The following ZKSCAN7 variants were observed in gnomAD, a reference collection of about 807,000 sequenced individuals.
ZKSCAN7 encodes zinc finger with KRAB and SCAN domains 7.
ZKSCAN7 carries 38 observed loss-of-function variants against 65.3 expected under a neutral mutation model. That is an observed-to-expected ratio of 0.58 (90% confidence interval 0.45 to 0.76). The LOEUF (loss-of-function observed/expected upper bound fraction) is 0.76, where lower values mean the gene tolerates loss of function less well. ZKSCAN7 is among the 30% of genes least tolerant of loss of function. The probability of loss-of-function intolerance (pLI) is 0.00; values close to 1 mark genes in which losing one functional copy is unlikely to be tolerated. For synonymous variants in ZKSCAN7, 321 were observed against 321.0 expected, an observed-to-expected ratio of 1.00 and a Z score of 0.00; for missense variants, 815 against 913.3, an observed-to-expected ratio of 0.89 and a Z score of 1.39.
At chr3:44,580,689 G>C in intron 5 of ZKSCAN7, 4 of 1,613,868 alleles carry the variant, frequency 2.5e-6, no homozygotes, top group South Asian at 1.1e-5. Flanking sequence ...CCTCTGGCCC[G>C]TGCGGCCCTC....
chr3:44,566,532 G>A (rs1215430752), intron 3 of ZKSCAN7, among the ~76,000 whole-genome samples: 1 of 152,104 alleles, frequency 6.6e-6, no homozygotes, highest in Non-Finnish European at 1.5e-5. Context: ...GAAAGGGGAG[G>A]CAGGGGAATT....
chr3:44,557,780 G>T (rs7627501), intron 2 of ZKSCAN7, among the ~76,000 whole-genome samples: 2 of 152,122 alleles, frequency 1.3e-5, no homozygotes, highest in South Asian at 2.1e-4. Context: ...GGGGGAAGGC[G>T]GGCCTTTGGG....
chr3:44,582,907 CGTGTGTGTGTGT>C (rs4016043), intron 5 of ZKSCAN7: 119,575 of 352,702 alleles, frequency 0.34, 14,818 homozygotes, highest in East Asian at 0.69. Context: ...CATGAATATT[CGTGTGTGTGTGT>C]GTGTGTGTGT....
At position 44,559,325 on chromosome 3, in the gene ZKSCAN7, C is replaced by A. The variant is rs183768839; in HGVS notation, c.423+1855C>A. On this transcript the variant is annotated intron_variant, in intron 2 of 5. Coordinates refer to ENST00000426540, the MANE Select transcript of ZKSCAN7 (RefSeq NM_001288590.2). Reference sequence around the variant, plus strand: ...CTTCCTAATGAGTTTCAAATTGTTCCCCTATAATAGAAGCAGGGTGAACTA... The same window carrying A: ...CTTCCTAATGAGTTTCAAATTGTTCACCTATAATAGAAGCAGGGTGAACTA... Among the ~76,000 whole-genome samples the A allele has an allele frequency of 7.6e-3, 1,153 of 152,010 alleles. 14 individuals are homozygous for A. The highest frequency in any genetic ancestry group is 0.026 in the African/African-American group (1,068 of 41,442).
At chr3:44,566,320 G>A (rs965225033) in intron 3 of ZKSCAN7, among the ~76,000 whole-genome samples, 18 of 152,182 alleles carry the variant, frequency 1.2e-4, no homozygotes, top group Admixed American at 9.8e-4. Flanking sequence ...GATTTTGGGA[G>A]TCAGAGGATA....
At position 44,581,003 on chromosome 3, in the gene ZKSCAN7, C is replaced by T. The variant is rs909513700; in HGVS notation, c.812-1969C>T. The T allele has an allele frequency of 1.0e-5, 16 of 1,606,778 alleles. No homozygotes were observed. In the Admixed American group the frequency reaches 1.0e-4, roughly 10 times the overall value. On this transcript the variant is annotated intron_variant, in intron 5 of 5. Coordinates refer to the ZKSCAN7 transcript ENST00000341840. ...AGATGTTGGCCTGGAATTTCCTGCA[C>T]GGGTTCTCCTTGGCTGCCGACATGG... is the stretch of plus-strand genomic sequence containing the variant.
chr3:44,580,822 A>G (rs201973157), intron 5 of ZKSCAN7: 30 of 1,613,268 alleles, frequency 1.9e-5, no homozygotes, highest in Middle Eastern at 1.7e-4. Flanking sequence ...TGTCGCTGCC[A>G]TTTCGGAGAC....
intron 2 of ZKSCAN7, among the ~76,000 whole-genome samples, chr3:44,559,258 G>C (rs905943384): frequency 6.6e-6 from 1 of 152,148 alleles, no homozygotes; most frequent in Admixed American, 6.5e-5. Context: ...TTAGTACCAA[G>C]TTGACACATC....
intron 5 of ZKSCAN7, among the ~76,000 whole-genome samples, chr3:44,582,611 G>A (rs1326048975): frequency 1.3e-5 from 2 of 152,198 alleles, no homozygotes; most frequent in African/African-American, 4.8e-5. Flanking sequence ...CATTATACTT[G>A]ACTGAATGAA....
intron 2 of ZKSCAN7, among the ~76,000 whole-genome samples, chr3:44,563,820 C>T (rs1412491761): frequency 6.6e-6 from 1 of 152,198 alleles, no homozygotes; most frequent in Non-Finnish European, 1.5e-5. Flanking sequence ...TATCACAGTG[C>T]AGTAAGTTCT....
At chr3:44,580,614 A>G in intron 5 of ZKSCAN7, 1 of 1,613,798 alleles carries the variant, frequency 6.2e-7, no homozygotes, top group Non-Finnish European at 8.5e-7. Flanking sequence ...CCACCCACTG[A>G]CGATCTCCTT....
At chr3:44,577,289 T>TG (rs1553622235) in intron 5 of ZKSCAN7, among the ~76,000 whole-genome samples, 42 of 151,958 alleles carry the variant, frequency 2.8e-4, no homozygotes, top group African/African-American at 4.6e-4. Flanking sequence ...TTCTTTTTTT[T>TG]TTTGTTTTTT....
intron 2 of ZKSCAN7, among the ~76,000 whole-genome samples, chr3:44,562,079 T>G (rs1161877395): frequency 3.3e-5 from 5 of 152,256 alleles, no homozygotes; most frequent in Non-Finnish European, 1.5e-5. Flanking sequence ...ATGACAGTTT[T>G]GCCCCTGCAG....
intron 3 of ZKSCAN7, among the ~76,000 whole-genome samples, chr3:44,566,468 G>A (rs1699634358): frequency 6.6e-6 from 1 of 152,156 alleles, no homozygotes; most frequent in African/African-American, 2.4e-5. Context: ...AGAGGAACGG[G>A]CAAGGATAAA....
intron 5 of ZKSCAN7, chr3:44,578,343 C>G: frequency 1.1e-5 from 18 of 1,603,120 alleles, no homozygotes; most frequent in Non-Finnish European, 1.5e-5. Context: ...TCATAGGCAT[C>G]CTTGCCCTGT....
intron 5 of ZKSCAN7, among the ~76,000 whole-genome samples, chr3:44,578,489 C>T (rs561521678): frequency 1.2e-4 from 18 of 152,336 alleles, no homozygotes; most frequent in African/African-American, 4.3e-4. Context: ...CTGGCACTGC[C>T]GCAGGGCCTG....
At position 44,571,555 on chromosome 3, in the gene ZKSCAN7, G is replaced by T; in HGVS notation, c.*180G>T. The T allele has an allele frequency of 6.7e-7, 1 of 1,487,450 alleles. No homozygotes were observed. The highest frequency in any genetic ancestry group is 8.9e-7 in the Non-Finnish European group (1 of 1,123,224). 92.1% of individuals were successfully genotyped at this position (1,487,450 alleles called of 1,614,324 possible). On this transcript the variant is annotated 3_prime_UTR_variant, in exon 6 of 6. Transcript: ENST00000426540. ...TATTCCAGTTCTTACCCATTATTAG[G>T]AAGGTAAGGACTACACATGTCATTG...
At position 44,581,050 on chromosome 3, in the gene ZKSCAN7, C is replaced by T. The variant is rs1009568861; in HGVS notation, c.812-1922C>T. The T allele has an allele frequency of 4.7e-6, 7 of 1,498,474 alleles. No homozygotes were observed. The South Asian group carries it at 4.8e-5, about 10-fold the overall frequency. The allele number at this position is 1,498,474 out of a possible 1,614,324, so 92.8% of individuals were successfully genotyped here. A position where few individuals can be genotyped will look rare whatever the true frequency, so the allele number is the denominator to read the frequency against. On this transcript the variant is annotated intron_variant, in intron 5 of 5. Coordinates refer to the ZKSCAN7 transcript ENST00000341840. ...ATGGTCGGCGCGGCGGCGGCGGCGG[C>T]GCAGGCCCGGCCGGCCTGGCGCTCC...
At chr3:44,556,627 A>G (rs1480924634) in intron 1 of ZKSCAN7, among the ~76,000 whole-genome samples, 5 of 152,206 alleles carry the variant, frequency 3.3e-5, no homozygotes, top group African/African-American at 7.2e-5. Context: ...CCCACATTGG[A>G]GACCATTGCT....
Sources: allele counts gnomAD v4.1 joint callset (sites outside exome capture counted in the v4.1 genomes callset), GRCh38; gene constraint gnomAD v4.1.1; transcripts MANE v1.5; gene names NCBI Gene and HGNC (gene_info 2026-07-23, HGNC 2026-07-21).